UMAD1: variants seen among roughly 807,000 people sequenced by gnomAD.
UMAD1 encodes the protein UBAP1-MVB12-associated (UMA)-domain containing protein 1.
UMAD1 carries 8 observed loss-of-function variants against 6.1 expected under a neutral mutation model. The ratio of observed to expected loss-of-function variants is 1.30; its 90% confidence interval spans 0.76 to 2.35. The LOEUF is 2.35. Among genes scored for constraint, UMAD1 ranks in the 30% most tolerant of loss-of-function variants. The probability of loss-of-function intolerance (pLI) is 0.00; values close to 1 mark genes in which losing one functional copy is unlikely to be tolerated. For missense variants in UMAD1, 130 were observed against 78.4 expected, an observed-to-expected ratio of 1.66 and a Z score of -2.49; for synonymous variants, 56 against 31.4, an observed-to-expected ratio of 1.78 and a Z score of -2.61.
intron 2 of UMAD1, among the ~76,000 whole-genome samples, chr7:7,793,650 T>C (rs1043073232): frequency 1.3e-5 from 2 of 152,162 alleles, no homozygotes; most frequent in African/African-American, 4.8e-5. Context: ...AGTCACATAC[T>C]GCTAGTCTGC....
chr7:7,797,260 T>G (rs1381644282), intron 2 of UMAD1, among the ~76,000 whole-genome samples: 2 of 152,174 alleles, frequency 1.3e-5, no homozygotes, highest in Non-Finnish European at 2.9e-5. Flanking sequence ...GGGAGGGTAC[T>G]TCATGAGGGA....
intron 2 of UMAD1, among the ~76,000 whole-genome samples, chr7:7,744,470 A>G (rs1390947744): frequency 6.6e-6 from 1 of 152,060 alleles, no homozygotes; most frequent in Admixed American, 6.5e-5. Flanking sequence ...TGGCAGTCCT[A>G]TGTTTAACCA....
At chr7:7,862,238 A>G (rs1170770144) in intron 3 of UMAD1, among the ~76,000 whole-genome samples, 2 of 152,002 alleles carry the variant, frequency 1.3e-5, no homozygotes, top group South Asian at 2.1e-4. Context: ...ATATATTTAT[A>G]TTTTCTTACC....
chr7:7,843,040 T>G (rs1267262353), intron 3 of UMAD1, among the ~76,000 whole-genome samples: 3 of 152,216 alleles, frequency 2.0e-5, no homozygotes, highest in African/African-American at 7.2e-5. Context: ...GTTCATCCAG[T>G]ACTCTTAGCC....
intron 2 of UMAD1, among the ~76,000 whole-genome samples, chr7:7,687,033 GTCCTTTGAACTT>G (rs1280236634): frequency 3.3e-5 from 5 of 152,294 alleles, no homozygotes; most frequent in African/African-American, 9.6e-5. Context: ...TGCCATACCA[GTCCTTTGAACTT>G]TCCTTTGAAC....
At chr7:7,735,368 T>C (rs17136942) in intron 2 of UMAD1, among the ~76,000 whole-genome samples, 12,207 of 152,060 alleles carry the variant, frequency 0.08, 575 homozygotes, top group African/African-American at 0.12. Flanking sequence ...TAATGTGTTG[T>C]AGACATTTCT....
At chr7:7,650,831 A>G (rs1056832211) in intron 1 of UMAD1, among the ~76,000 whole-genome samples, 9 of 152,204 alleles carry the variant, frequency 5.9e-5, no homozygotes, top group Non-Finnish European at 1.2e-4. Context: ...GGCATGGCAT[A>G]TAAGAAAGAC....
chr7:7,821,207 C>T (rs1439122850), intron 3 of UMAD1, among the ~76,000 whole-genome samples: 1 of 152,010 alleles, frequency 6.6e-6, no homozygotes, highest in African/African-American at 2.4e-5. Context: ...ATTTTAAGCA[C>T]ACTGCCTAAT....
At chr7:7,706,777 G>T (rs1429304039) in intron 2 of UMAD1, among the ~76,000 whole-genome samples, 1 of 152,144 alleles carries the variant, frequency 6.6e-6, no homozygotes, top group East Asian at 1.9e-4. Context: ...AAACTAGATT[G>T]TCTGAGTCTG....
chr7:7,706,752 G>A (rs1780611550), intron 2 of UMAD1, among the ~76,000 whole-genome samples: 1 of 152,182 alleles, frequency 6.6e-6, no homozygotes, highest in Non-Finnish European at 1.5e-5. Context: ...GTTAGTAAGT[G>A]ACAGCTGGGA....
intron 3 of UMAD1, among the ~76,000 whole-genome samples, chr7:7,808,760 AC>A (rs1332927740): frequency 6.6e-6 from 1 of 152,014 alleles, no homozygotes; most frequent in Non-Finnish European, 1.5e-5. Flanking sequence ...AAATACAAAA[AC>A]AAGCCAATAA....
intron 2 of UMAD1, among the ~76,000 whole-genome samples, chr7:7,707,208 A>G (rs1472863877): frequency 1.3e-5 from 2 of 152,208 alleles, no homozygotes; most frequent in East Asian, 1.9e-4. Context: ...ACTGGTCTGT[A>G]CAGCAAAGAT....
intron 1 of UMAD1, among the ~76,000 whole-genome samples, chr7:7,646,868 A>G (rs1264860482): frequency 1.3e-5 from 2 of 152,032 alleles, no homozygotes; most frequent in South Asian, 2.1e-4. Context: ...TGGGGTTTAT[A>G]TGGGCACAGA....
At chr7:7,645,431 A>G (rs1308928957) in intron 1 of UMAD1, among the ~76,000 whole-genome samples, 2 of 152,200 alleles carry the variant, frequency 1.3e-5, no homozygotes, top group African/African-American at 4.8e-5. Flanking sequence ...CTGTAGTTCT[A>G]CATTCAATAT....
At chr7:7,792,502 GTTAAC>G (rs1782585250) in intron 2 of UMAD1, among the ~76,000 whole-genome samples, 1 of 152,214 alleles carries the variant, frequency 6.6e-6, no homozygotes, top group Admixed American at 6.5e-5. Flanking sequence ...AACTGAATTG[GTTAAC>G]TTAACTCAAG....
chr7:7,838,963 A>G (rs966603523), intron 3 of UMAD1, among the ~76,000 whole-genome samples: 2 of 152,194 alleles, frequency 1.3e-5, no homozygotes, highest in Non-Finnish European at 2.9e-5. Context: ...CAAAACAAGA[A>G]TAAACGCAAA....
chr7:7,801,930 C>T (rs2348558), intron 3 of UMAD1, among the ~76,000 whole-genome samples, 187 bp downstream of exon 3: 139,136 of 152,320 alleles, frequency 0.91, 63,678 homozygotes, highest in African/African-American at 0.97. Context: ...TGCTAAACTC[C>T]TTTAGTGCTA....
chr7:7,707,864 A>T (rs1164314241), intron 2 of UMAD1, among the ~76,000 whole-genome samples: 1 of 152,188 alleles, frequency 6.6e-6, no homozygotes, highest in Non-Finnish European at 1.5e-5. Flanking sequence ...TTATTTTGCT[A>T]TGTGAGCTGT....
chr7:7,773,958 T>C (rs565549143), intron 2 of UMAD1, among the ~76,000 whole-genome samples: 1 of 152,340 alleles, frequency 6.6e-6, no homozygotes, highest in African/African-American at 2.4e-5. Flanking sequence ...TCTCTCTGGC[T>C]CACTGATGGC....
Sources: gnomAD v4.1 joint callset for allele counts (sites outside exome capture counted in the v4.1 genomes callset) on GRCh38, gnomAD v4.1.1 for gene constraint, MANE v1.5 for transcripts, NCBI Gene and HGNC (gene_info 2026-07-23, HGNC 2026-07-21) for gene names.